Variants in RXFP1 observed in about 807,000 individuals in gnomAD.
RXFP1 encodes relaxin receptor 1.
Under a neutral mutation model 89.8 loss-of-function variants are expected in RXFP1, and 73 were observed. That is an observed-to-expected ratio of 0.81 (90% CI 0.67 to 0.99). The LOEUF (loss-of-function observed/expected upper bound fraction) is 0.99. RXFP1 is among the 50% of genes least tolerant of loss of function. The probability of loss-of-function intolerance (pLI) is 0.00; values close to 1 mark genes in which losing one functional copy is unlikely to be tolerated. For synonymous variants in RXFP1, 277 were observed against 305.5 expected (o/e 0.91, Z 0.97); for missense variants, 793 against 895.5 (o/e 0.89, Z 1.46).
chr4:158,613,960 G>A (rs553275420), intron 8 of RXFP1, among the ~76,000 whole-genome samples: 10 of 152,182 alleles, frequency 6.6e-5, no homozygotes, highest in Non-Finnish European at 1.0e-4. Context: ...AATGGATGTC[G>A]TGTTAGCAGG....
intron 9 of RXFP1, among the ~76,000 whole-genome samples, chr4:158,626,097 T>C (rs1766638396): frequency 6.7e-6 from 1 of 150,066 alleles, no homozygotes; most frequent in African/African-American, 2.5e-5. Context: ...AGGAGGATTA[T>C]ATTTAGATAT....
intron 17 of RXFP1, among the ~76,000 whole-genome samples, chr4:158,650,366 T>A (rs1341521159): frequency 6.6e-6 from 1 of 151,754 alleles, no homozygotes; most frequent in South Asian, 2.1e-4. Context: ...AATGGTTACA[T>A]GGTAAATTTT....
intron 2 of RXFP1, among the ~76,000 whole-genome samples, chr4:158,578,597 T>G (rs1004912438): frequency 2.0e-5 from 3 of 152,152 alleles, no homozygotes; most frequent in Non-Finnish European, 4.4e-5. Flanking sequence ...AAGAAACTCT[T>G]TACGTTTCTA....
At chr4:158,619,330 G>A (rs558806225) in intron 9 of RXFP1, among the ~76,000 whole-genome samples, 3 of 152,162 alleles carry the variant, frequency 2.0e-5, no homozygotes, top group Non-Finnish European at 4.4e-5. Context: ...ATTTTGTGGA[G>A]CCCATCAGTA....
At chr4:158,584,349 G>C (rs1273257509) in intron 2 of RXFP1, among the ~76,000 whole-genome samples, 1 of 151,766 alleles carries the variant, frequency 6.6e-6, no homozygotes, top group Admixed American at 6.6e-5. Flanking sequence ...CAGGAGAATT[G>C]CTTGAACCTG....
At chr4:158,611,364 G>C (rs1006207217) in intron 6 of RXFP1, among the ~76,000 whole-genome samples, 7 of 152,200 alleles carry the variant, frequency 4.6e-5, no homozygotes, top group African/African-American at 1.7e-4. Context: ...ATTTCACTTT[G>C]CAGAGGAGTG....
chr4:158,528,134 T>G (rs1299942460), intron 1 of RXFP1, among the ~76,000 whole-genome samples: 1 of 152,152 alleles, frequency 6.6e-6, no homozygotes, highest in Non-Finnish European at 1.5e-5. Context: ...AGAGAAAGGT[T>G]CTCATTGCAC....
intron 2 of RXFP1, among the ~76,000 whole-genome samples, chr4:158,586,933 G>T (rs538478748): frequency 1.9e-4 from 29 of 152,026 alleles, no homozygotes; most frequent in African/African-American, 6.5e-4. Context: ...TTGTCTATTT[G>T]TAAAAGCTCA....
At position 158,633,274 on chromosome 4, in the gene RXFP1, A is replaced by G. The variant is rs1000189720; in HGVS notation, c.900-131A>G. On this transcript the variant is annotated intron_variant, in intron 11 of 17. Transcript: ENST00000307765. ...AACTTTGCTCCTTTTTTAAATTTTT[A>G]GACTTCTGGTGATTAATATAACTCA... 4.8e-5 allele frequency: 28 copies of G among 583,948 alleles called. No individual in the cohort carries two copies. In the African/African-American group the frequency reaches 5.1e-4, roughly 11 times the overall value. The allele number at this position is 583,948 out of a possible 1,614,324, so 36.2% of individuals were successfully genotyped here.
intron 9 of RXFP1, among the ~76,000 whole-genome samples, chr4:158,617,687 A>G (rs1449812220): frequency 6.6e-6 from 1 of 152,136 alleles, no homozygotes; most frequent in Non-Finnish European, 1.5e-5. Flanking sequence ...AGTAATAAGT[A>G]TCACTCCACC....
At chr4:158,567,794 C>T (rs907620294) in intron 1 of RXFP1, among the ~76,000 whole-genome samples, 2 of 152,136 alleles carry the variant, frequency 1.3e-5, no homozygotes, top group Non-Finnish European at 2.9e-5. Flanking sequence ...ACAGACCAAT[C>T]GGCTCTCTGT....
At chr4:158,544,064 A>G in intron 1 of RXFP1, 1 of 983,718 alleles carries the variant, frequency 1.0e-6, no homozygotes, top group Non-Finnish European at 1.2e-6. Context: ...ATTTCTAGAA[A>G]TGTCTATAAA....
In RXFP1 at chr4:158,652,090, TG is replaced by T. The variant is rs1561218057; in HGVS notation, c.*36del. On this transcript the variant is annotated 3_prime_UTR_variant, in exon 18 of 18. Coordinates refer to ENST00000307765, the MANE Select transcript of RXFP1 (RefSeq NM_021634.4). ...AAATTCATTTCTTCGCAGAGAATAC[TG>T]TGGGGGTGCTTCATGAGGGATTTAC... 1 of 1,549,172 alleles carries T rather than the reference TG, an allele frequency of 6.5e-7. No homozygotes were observed. Among genetic ancestry groups the T allele is most frequent in the Admixed American group, 1.9e-5 (1 of 53,094 alleles).
intron 4 of RXFP1, 100 bp downstream of exon 4, chr4:158,599,531 A>C: frequency 1.0e-6 from 1 of 966,332 alleles, no homozygotes; most frequent in Non-Finnish European, 1.5e-6. Flanking sequence ...ATTTTTATTC[A>C]AAGATGATGT....
At chr4:158,547,677 A>G (rs1748856453) in intron 1 of RXFP1, among the ~76,000 whole-genome samples, 1 of 152,214 alleles carries the variant, frequency 6.6e-6, no homozygotes, top group African/African-American at 2.4e-5. Context: ...TTCAAAGAAC[A>G]TCTTTATTTC....
At chr4:158,628,750 T>C (rs1176174261) in intron 11 of RXFP1, 41 bp downstream of exon 11, 1 of 1,131,432 alleles carries the variant, frequency 8.8e-7, no homozygotes, top group East Asian at 2.5e-5. Flanking sequence ...ATTTTCTTTC[T>C]ACTGTTTTTT....
intron 11 of RXFP1, among the ~76,000 whole-genome samples, chr4:158,629,837 C>A (rs1767686714): frequency 1.3e-5 from 2 of 151,996 alleles, no homozygotes; most frequent in Middle Eastern, 3.4e-3. Context: ...GTTGCTGGGG[C>A]TGGCCTAGAA....
intron 14 of RXFP1, among the ~76,000 whole-genome samples, chr4:158,641,867 A>T (rs1407936115): frequency 6.6e-6 from 1 of 152,214 alleles, no homozygotes; most frequent in Non-Finnish European, 1.5e-5. Context: ...CACGGAATTC[A>T]TTTGAGAACT....
intron 9 of RXFP1, 110 bp from the exon 10 acceptor site, chr4:158,626,710 A>G: frequency 1.6e-6 from 1 of 615,346 alleles, no homozygotes; most frequent in Non-Finnish European, 2.8e-6. Flanking sequence ...TCTATATGAA[A>G]TAAACAGTAT....
Sources: allele counts gnomAD v4.1 joint callset (sites outside exome capture counted in the v4.1 genomes callset), GRCh38; gene constraint gnomAD v4.1.1; transcripts MANE v1.5; gene names NCBI Gene and HGNC (gene_info 2026-07-23, HGNC 2026-07-21).